The following CSMD1 variants were observed in gnomAD, a reference collection of about 807,000 sequenced individuals.
CSMD1 encodes CUB and sushi domain-containing protein 1.
Under a neutral mutation model 417.5 loss-of-function variants are expected in CSMD1, and 213 were observed. The observed-to-expected ratio is 0.51, with a 90% confidence interval of 0.46 to 0.57. The LOEUF (loss-of-function observed/expected upper bound fraction) is 0.57, where lower values mean the gene tolerates loss of function less well. Among genes scored for constraint, CSMD1 ranks in the 20% least tolerant of loss-of-function variants. The probability of loss-of-function intolerance (pLI) is 0.00; values close to 1 mark genes in which losing one functional copy is unlikely to be tolerated. For missense variants in CSMD1, 6,923 were observed against 4,529.7 expected, an observed-to-expected ratio of 1.53 and a Z score of -15.17; for synonymous variants, 2,862 against 1,736.8, an observed-to-expected ratio of 1.65 and a Z score of -16.11.
intron 3 of CSMD1, among the ~76,000 whole-genome samples, chr8:4,202,195 T>A (rs539176414): frequency 2.0e-5 from 3 of 152,318 alleles, no homozygotes; most frequent in Admixed American, 2.0e-4. Context: ...ACTCTTATAA[T>A]GACGCAACAA....
chr8:3,962,212 T>A (rs1440805511), intron 5 of CSMD1, among the ~76,000 whole-genome samples: 1 of 152,132 alleles, frequency 6.6e-6, no homozygotes, highest in Non-Finnish European at 1.5e-5. Flanking sequence ...ATGGGATTGT[T>A]TTGCACCTGT....
chr8:4,485,728 C>A (rs1271022729), intron 2 of CSMD1, among the ~76,000 whole-genome samples: 1 of 152,124 alleles, frequency 6.6e-6, no homozygotes, highest in African/African-American at 2.4e-5. Context: ...AGTACATAAT[C>A]TTAATCCCAA....
At chr8:4,990,848 C>T (rs956852463) in intron 1 of CSMD1, among the ~76,000 whole-genome samples, 5 of 152,126 alleles carry the variant, frequency 3.3e-5, no homozygotes, top group African/African-American at 1.2e-4. Flanking sequence ...CATCTAAAAC[C>T]ATGCAGGTAT....
chr8:3,220,452 G>A (rs976422678), intron 28 of CSMD1, among the ~76,000 whole-genome samples: 17 of 152,142 alleles, frequency 1.1e-4, no homozygotes, highest in South Asian at 4.1e-4. Context: ...TTAAAACTAC[G>A]CACACTCTAA....
At chr8:3,461,838 G>C (rs1816526165) in intron 12 of CSMD1, among the ~76,000 whole-genome samples, 1 of 152,346 alleles carries the variant, frequency 6.6e-6, no homozygotes, top group East Asian at 1.9e-4. Flanking sequence ...CACCTGAGCA[G>C]TGCACTGTGA....
Position 4,598,185 on chromosome 8 carries a change from G to C in CSMD1, c.302+39157C>G, listed in dbSNP as rs192236426. 2.0e-5 allele frequency among the ~76,000 whole-genome samples: 3 copies of C among 152,182 alleles called. No homozygotes were observed. The East Asian group carries it at 5.8e-4, about 29-fold the overall frequency. On this transcript the variant is annotated intron_variant, in intron 2 of 69. Transcript: ENST00000635120. Reference sequence around the variant, plus strand: ...AGATAAATAAAGCTTTTGTAAAACGGAATTATCATAGTTGTAGGGATGAAT... The same window carrying C: ...AGATAAATAAAGCTTTTGTAAAACGCAATTATCATAGTTGTAGGGATGAAT...
At chr8:4,960,132 T>C (rs1809381894) in intron 1 of CSMD1, among the ~76,000 whole-genome samples, 1 of 152,156 alleles carries the variant, frequency 6.6e-6, no homozygotes, top group Non-Finnish European at 1.5e-5. Flanking sequence ...AATGTGCTCA[T>C]TACTTCTGAA....
Position 3,163,588 on chromosome 8 carries a change from C to T in CSMD1, c.5726-1311G>A, listed in dbSNP as rs574938210. 1.4e-3 allele frequency among the ~76,000 whole-genome samples: 217 copies of T among 151,474 alleles called. 2 individuals carry two copies. Among genetic ancestry groups the T allele is most frequent in the South Asian group, 5.8e-3 (28 of 4,792 alleles). On this transcript the variant is annotated intron_variant, in intron 37 of 69. Coordinates refer to ENST00000635120, the MANE Select transcript of CSMD1 (RefSeq NM_033225.6). ...CTTCATCTGCTTCATGCCTGCTCCA[C>T]GTCTCACCAGACTTCACTTTCCGAA...
chr8:3,462,490 G>A (rs1371240225), intron 12 of CSMD1, among the ~76,000 whole-genome samples: 1 of 152,124 alleles, frequency 6.6e-6, no homozygotes, highest in East Asian at 1.9e-4. Context: ...ACCCTATTGT[G>A]AACTGCACAT....
intron 1 of CSMD1, among the ~76,000 whole-genome samples, chr8:4,818,825 A>C (rs908391998): frequency 2.3e-4 from 35 of 152,266 alleles, no homozygotes; most frequent in Admixed American, 4.6e-4. Context: ...CTCACCATGG[A>C]ATTATGCATT....
rs1418158761 is a variant in CSMD1 at position 3,787,484 on chromosome 8, C to A, written c.819-33442G>T. On this transcript the variant is annotated intron_variant, in intron 5 of 69. Coordinates refer to ENST00000635120, the MANE Select transcript of CSMD1 (RefSeq NM_033225.6). ...TGTGAAAAACAAAGTAGTGATTAAT[C>A]AAAAAAATGACAGCTTATCAGAAGA... Among the ~76,000 whole-genome samples the A allele has an allele frequency of 8.6e-5, 13 of 151,914 alleles. No individual in the cohort carries two copies. In the South Asian group the frequency reaches 2.5e-3, roughly 29 times the overall value.
intron 10 of CSMD1, among the ~76,000 whole-genome samples, chr8:3,519,184 C>T (rs185651103): frequency 2.6e-5 from 4 of 152,266 alleles, no homozygotes; most frequent in African/African-American, 7.2e-5. Context: ...ATCCTGAACA[C>T]GTGATTAATT....
intron 10 of CSMD1, among the ~76,000 whole-genome samples, chr8:3,497,192 T>C (rs1340656644): frequency 1.3e-5 from 2 of 152,166 alleles, no homozygotes; most frequent in Admixed American, 6.5e-5. Flanking sequence ...AGTTTAACAC[T>C]TCTTTATTAA....
intron 2 of CSMD1, among the ~76,000 whole-genome samples, chr8:4,507,705 G>T (rs1392557008): frequency 6.6e-6 from 1 of 152,122 alleles, no homozygotes; most frequent in African/African-American, 2.4e-5. Flanking sequence ...CCAGGCTGAA[G>T]AGAAAATGAC....
At chr8:4,937,404 G>C (rs1013172979) in intron 1 of CSMD1, among the ~76,000 whole-genome samples, 2 of 152,070 alleles carry the variant, frequency 1.3e-5, no homozygotes, top group Non-Finnish European at 2.9e-5. Context: ...AATATGACAG[G>C]TTGAAGAATT....
chr8:4,281,585 G>A (rs1221291040), intron 3 of CSMD1, among the ~76,000 whole-genome samples: 1 of 152,028 alleles, frequency 6.6e-6, no homozygotes, highest in Non-Finnish European at 1.5e-5. Flanking sequence ...TCTGTTTTTT[G>A]AATCTAAGAA....
intron 10 of CSMD1, among the ~76,000 whole-genome samples, chr8:3,554,738 G>A (rs563393158): frequency 2.0e-5 from 3 of 152,302 alleles, no homozygotes; most frequent in African/African-American, 7.2e-5. Flanking sequence ...AACTTCCACA[G>A]AGGGTCAATA....
intron 2 of CSMD1, among the ~76,000 whole-genome samples, chr8:4,454,566 G>C (rs373052544): frequency 1.1e-4 from 16 of 152,298 alleles, no homozygotes; most frequent in African/African-American, 3.6e-4. Flanking sequence ...GCACAGAGTA[G>C]ACCCAATGCA....
At chr8:4,178,119 C>T (rs1051294981) in intron 3 of CSMD1, among the ~76,000 whole-genome samples, 6 of 152,124 alleles carry the variant, frequency 3.9e-5, no homozygotes, top group African/African-American at 1.4e-4. Flanking sequence ...CTGGCAGAGA[C>T]ACAACCAAAA....
Sources: allele counts gnomAD v4.1 joint callset (sites outside exome capture counted in the v4.1 genomes callset), GRCh38; gene constraint gnomAD v4.1.1; transcripts MANE v1.5; gene names NCBI Gene and HGNC (gene_info 2026-07-23, HGNC 2026-07-21).